The following CNBD2 variants were observed in gnomAD, a reference collection of about 807,000 sequenced individuals.
CNBD2 encodes cyclic nucleotide binding domain containing 2.
A neutral mutation model predicts 63.7 loss-of-function variants in CNBD2; 64 were observed. The ratio of observed to expected loss-of-function variants is 1.00; its 90% confidence interval spans 0.82 to 1.24. The LOEUF (loss-of-function observed/expected upper bound fraction) is 1.24, where lower values mean the gene tolerates loss of function less well. Ranked by LOEUF, CNBD2 falls within the 50% of genes most tolerant of loss-of-function variation. CNBD2 has a pLI of 0.00. For synonymous variants in CNBD2, 229 were observed against 255.4 expected, an observed-to-expected ratio of 0.90 and a Z score of 0.99; for missense variants, 691 against 713.5, an observed-to-expected ratio of 0.97 and a Z score of 0.36.
intron 1 of CNBD2, among the ~76,000 whole-genome samples, chr20:35,971,209 A>G (rs1216992287): frequency 1.3e-5 from 2 of 151,952 alleles, no homozygotes; most frequent in Non-Finnish European, 2.9e-5. Context: ...GGCCTCCCAA[A>G]GTGCTGGGTT....
At chr20:36,019,379 C>T (rs1601099904) in intron 10 of CNBD2, among the ~76,000 whole-genome samples, 2 of 151,712 alleles carry the variant, frequency 1.3e-5, no homozygotes, top group South Asian at 2.1e-4. Context: ...AAAAATTAGC[C>T]GGGTGTGGTG....
At position 35,968,821 on chromosome 20, in the gene CNBD2, G is replaced by C. The variant is rs1428319263; in HGVS notation, c.51+8G>C. ...CTCCTGAAGAAGGAACTGGTGAGGA[G>C]GGGCAAGGGCCCTGGGAGGGAAGAG... On this transcript the variant is annotated splice_region_variant and intron_variant, in intron 1 of 11. Coordinates refer to ENST00000373973, the MANE Select transcript of CNBD2 (RefSeq NM_001365709.1). The C allele has an allele frequency of 1.2e-6, 2 of 1,603,960 alleles. No homozygotes were observed. The highest frequency in any genetic ancestry group is 1.7e-4 in the Middle Eastern group (1 of 5,944).
chr20:36,027,703 T>G (rs1041718839), intron 11 of CNBD2, among the ~76,000 whole-genome samples: 70 of 148,656 alleles, frequency 4.7e-4, no homozygotes, highest in Non-Finnish European at 6.8e-4. Context: ...TTAGACAGAG[T>G]CTTGCTTTGT....
intron 7 of CNBD2, among the ~76,000 whole-genome samples, chr20:35,994,357 GC>G (rs1463082290): frequency 6.7e-6 from 1 of 150,098 alleles, no homozygotes; most frequent in Non-Finnish European, 1.5e-5. Context: ...GAGCCACAAG[GC>G]CGGCTTAATT....
At chr20:35,979,473 G>T (rs1284758776) in intron 3 of CNBD2, among the ~76,000 whole-genome samples, 1 of 152,340 alleles carries the variant, frequency 6.6e-6, no homozygotes, top group East Asian at 1.9e-4. Context: ...GCCTAGGCTG[G>T]TCTCAAACTC....
chr20:36,021,942 C>A (rs889294936), intron 10 of CNBD2, among the ~76,000 whole-genome samples: 11 of 151,414 alleles, frequency 7.3e-5, no homozygotes, highest in African/African-American at 2.7e-4. Context: ...CAGAGGCCTG[C>A]AGGAAAGTGT....
In CNBD2 at chr20:36,023,608, C is replaced by CA; in HGVS notation, c.1277dup (p.His426GlnfsTer9). On this transcript the variant is annotated frameshift_variant, in exon 11 of 12. Transcript: ENST00000373973. LOFTEE classifies it high-confidence loss of function. ...TTCTGTGACTTCTCCCGAGGGTCTT[C>CA]ACCAGGCCTTCCTTCCAGAGGGTGA... 4 of 1,598,314 alleles carry CA rather than the reference C, an allele frequency of 2.5e-6. No homozygotes were observed. The highest frequency in any genetic ancestry group is 3.4e-6 in the Non-Finnish European group (4 of 1,172,960).
downstream of CNBD2, among the ~76,000 whole-genome samples, chr20:35,957,511 C>T (rs747865375): frequency 1.2e-4 from 18 of 152,060 alleles, no homozygotes; most frequent in Admixed American, 2.0e-4. Flanking sequence ...AGTATGTACA[C>T]TCTACTTTGG....
intron 8 of CNBD2, among the ~76,000 whole-genome samples, chr20:36,003,100 T>C (rs187123102): frequency 2.0e-5 from 3 of 152,324 alleles, no homozygotes; most frequent in African/African-American, 7.2e-5. Context: ...CTTTTCATTT[T>C]AGACATTTTA....
At chr20:35,988,504 C>T (rs2056700029) in intron 7 of CNBD2, among the ~76,000 whole-genome samples, 1 of 152,148 alleles carries the variant, frequency 6.6e-6, no homozygotes, top group Non-Finnish European at 1.5e-5. Context: ...AGTGATATGA[C>T]CACATTAGGA....
upstream of CNBD2, among the ~76,000 whole-genome samples, chr20:35,968,248 C>A (rs2056364087): frequency 2.0e-5 from 3 of 152,142 alleles, no homozygotes; most frequent in African/African-American, 7.2e-5. Context: ...GAGGTAGCAA[C>A]TTCCTGGTCA....
rs1369683349 is a variant in CNBD2, at chr20:36,008,350, C to T, written c.1024C>T (p.Gln342Ter). 2.5e-6 allele frequency: 4 copies of T among 1,613,926 alleles called. No individual in the cohort carries two copies. The highest frequency in any genetic ancestry group is 3.4e-6 in the Non-Finnish European group (4 of 1,179,918). The change falls in exon 9 of 12, where the codon CAA (glutamine) becomes TAA (stop). Residue 342 changes from glutamine (Q) to a stop codon, truncating the protein, a stop_gained. Coordinates refer to ENST00000373973, the MANE Select transcript of CNBD2 (RefSeq NM_001365709.1). LOFTEE classifies it high-confidence loss of function. ...ATTCCAGATCAAATCATATCCTCTG[C>T]AAGACTTTAGCTCCTTGAAACTTCC... ...KEFQIKSYPL[Q>*]DFSSLKLPHL...
intron 2 of CNBD2, among the ~76,000 whole-genome samples, chr20:35,960,962 G>T (rs1482529930): frequency 1.4e-5 from 2 of 144,090 alleles, no homozygotes; most frequent in Non-Finnish European, 3.0e-5. Flanking sequence ...CTTTCCTCTC[G>T]CTCTGTCACC....
rs145803772 is a variant in CNBD2, at chr20:36,030,643, G to A, written c.1726G>A (p.Ala576Thr). ...TCGGTACAAAATCCGAGAACTCTTG[G>A]CTTAGTGTAAGAGCACAGGGGTCCT... ...APRYKIRELL[A>T] Residue 576 changes from alanine (A) to threonine (T), a missense_variant, in exon 12 of 12, where the codon GCT becomes ACT. Physicochemically the swap from Ala to Thr is moderately conservative, Grantham distance 58. Transcript: ENST00000373973. 1.6e-4 allele frequency: 261 copies of A among 1,614,108 alleles called. 1 individual carries two copies. The Middle Eastern group carries it at 1.6e-3, about 10-fold the overall frequency.
chr20:35,958,064 G>C (rs2056273846), downstream of CNBD2, among the ~76,000 whole-genome samples: 1 of 152,212 alleles, frequency 6.6e-6, no homozygotes, highest in African/African-American at 2.4e-5. Flanking sequence ...GGTTGTTGAG[G>C]GTTGTGGAAA....
At position 35,982,668 on chromosome 20, in the gene CNBD2, T is replaced by C. The variant is rs542206130; in HGVS notation, c.408-1314T>C. Among the ~76,000 whole-genome samples the C allele has an allele frequency of 3.9e-5, 6 of 152,286 alleles. No homozygotes were observed. The South Asian group carries it at 1.2e-3, about 32-fold the overall frequency. On this transcript the variant is annotated intron_variant, in intron 4 of 11. Coordinates refer to ENST00000373973, the MANE Select transcript of CNBD2 (RefSeq NM_001365709.1). The stretch of plus-strand genomic sequence containing the variant: ...CTCTTAAAGCATTTTTAAACCTTAT[T>C]TACATCCTGTATGTGACCATAATTT...
At chr20:35,972,428 C>T (rs2056432752) in intron 1 of CNBD2, among the ~76,000 whole-genome samples, 1 of 152,130 alleles carries the variant, frequency 6.6e-6, no homozygotes. Context: ...ATAAGTACTC[C>T]TACCATGGCC....
intron 1 of CNBD2, among the ~76,000 whole-genome samples, chr20:35,971,904 A>G (rs546050713): frequency 1.5e-4 from 23 of 152,128 alleles, no homozygotes; most frequent in Non-Finnish European, 3.1e-4. Context: ...ATTTTTCCCT[A>G]TCTTCTGTAT....
intron 8 of CNBD2, among the ~76,000 whole-genome samples, chr20:35,998,872 C>T (rs1188683544): frequency 2.1e-5 from 2 of 96,700 alleles, no homozygotes; most frequent in Non-Finnish European, 3.9e-5. Flanking sequence ...GACTGTGTCT[C>T]TCAAAAAAAA....
Sources: gnomAD v4.1 joint callset for allele counts (sites outside exome capture counted in the v4.1 genomes callset) on GRCh38, gnomAD v4.1.1 for gene constraint, MANE v1.5 for transcripts, NCBI Gene and HGNC (gene_info 2026-07-23, HGNC 2026-07-21) for gene names.